The following EFCAB11 variants were observed in gnomAD, a reference collection of about 807,000 sequenced individuals.
EFCAB11 encodes the protein EF-hand calcium binding domain 11, also known as EF-hand calcium-binding domain-containing protein 11.
Under a neutral mutation model 23.0 loss-of-function variants are expected in EFCAB11, and 14 were observed. The ratio of observed to expected loss-of-function variants is 0.61; its 90% CI spans 0.40 to 0.95. The LOEUF is 0.95. EFCAB11 is among the 40% of genes least tolerant of loss of function. The pLI, the probability that EFCAB11 is intolerant of heterozygous loss-of-function variation, is 0.00. For missense variants in EFCAB11, 198 were observed against 195.8 expected (o/e 1.01, Z -0.07); for synonymous variants, 65 against 66.6 (o/e 0.98, Z 0.11).
intron 5 of EFCAB11, among the ~76,000 whole-genome samples, chr14:89,850,661 T>C (rs904848947): frequency 6.6e-6 from 1 of 152,238 alleles, no homozygotes; most frequent in Non-Finnish European, 1.5e-5. Context: ...TAAGTCCAGA[T>C]ATGTATGTAT....
rs68181418 is a variant in EFCAB11 at position 89,885,891 on chromosome 14, TC to T, written c.410+45649del. Among the ~76,000 whole-genome samples the T allele has an allele frequency of 9.9e-3, 1,457 of 147,558 alleles. 14 individuals are homozygous for T. Among genetic ancestry groups the T allele is most frequent in the African/African-American group, 0.029 (1,194 of 40,552 alleles). On this transcript the variant is annotated intron_variant, in intron 5 of 5. Coordinates refer to ENST00000316738, the MANE Select transcript of EFCAB11 (RefSeq NM_145231.4). ...GGCTTCTTGTTTTTTTCTTTTTTTT[TC>T]TTTGGTGGAAATTGAAAAACTGACT...
In EFCAB11 at chr14:89,911,840, G is replaced by A. The variant is rs547227374; in HGVS notation, c.410+19701C>T. On this transcript the variant is annotated intron_variant, in intron 5 of 5. Transcript: ENST00000316738. ...TGGCAATAGAAACCACCACTGCCAC[G>A]GCAGCAGTCCCCACTGACAGAGCAC... is the stretch of plus-strand genomic sequence containing the variant. 9.8e-5 allele frequency among the ~76,000 whole-genome samples: 15 copies of A among 152,300 alleles called. No individual in the cohort carries two copies. The South Asian group carries it at 2.9e-3, about 29-fold the overall frequency.
chr14:89,827,628 C>CTT lies in EFCAB11; in HGVS notation c.411-30306_411-30305dup, dbSNP rs36007256. On this transcript the variant is annotated intron_variant, in intron 5 of 5. Coordinates refer to ENST00000316738, the MANE Select transcript of EFCAB11 (RefSeq NM_145231.4). ...GTTTCATGAAGCAATTTTATTCACT[C>CTT]TTTTTTTTTTTTTTTTTTTTTTGAG... Among the ~76,000 whole-genome samples, 852 of 104,968 alleles carry CTT rather than the reference C, an allele frequency of 8.1e-3. 5 individuals carry two copies. Among genetic ancestry groups the CTT allele is most frequent in the East Asian group, 0.022 (64 of 2,864 alleles). 68.9% of individuals were successfully genotyped at this position (104,968 alleles called of 152,430 possible).
chr14:89,804,323 G>A (rs148271718), intron 5 of EFCAB11, among the ~76,000 whole-genome samples: 2 of 152,176 alleles, frequency 1.3e-5, no homozygotes, highest in Admixed American at 6.5e-5. Flanking sequence ...GGTAATTAAC[G>A]CTTAAAAGCC....
chr14:89,814,231 C>G (rs1886251267), intron 5 of EFCAB11, among the ~76,000 whole-genome samples: 1 of 152,084 alleles, frequency 6.6e-6, no homozygotes, highest in African/African-American at 2.4e-5. Context: ...TCCCCCTTTG[C>G]TTTTCTGTCC....
At chr14:89,894,473 G>A (rs1166692286) in intron 5 of EFCAB11, among the ~76,000 whole-genome samples, 2 of 138,518 alleles carry the variant, frequency 1.4e-5, no homozygotes, top group African/African-American at 2.8e-5. Context: ...CCCTCCCTGT[G>A]TCCATGTGTT....
At chr14:89,851,854 C>T (rs1410735694) in intron 5 of EFCAB11, among the ~76,000 whole-genome samples, 7 of 152,052 alleles carry the variant, frequency 4.6e-5, no homozygotes, top group African/African-American at 9.7e-5. Flanking sequence ...TTGCAGCAGA[C>T]GGAAGAGTCA....
At chr14:89,868,385 A>G (rs1381680890) in intron 5 of EFCAB11, among the ~76,000 whole-genome samples, 1 of 152,260 alleles carries the variant, frequency 6.6e-6, no homozygotes, top group African/African-American at 2.4e-5. Flanking sequence ...GGTCCTCAGA[A>G]AGAGTTTATA....
intron 3 of EFCAB11, among the ~76,000 whole-genome samples, chr14:89,933,378 G>A (rs1256714524): frequency 6.6e-6 from 1 of 151,942 alleles, no homozygotes; most frequent in East Asian, 1.9e-4. Flanking sequence ...TAAAAAGAGT[G>A]GTTCATTTTT....
At chr14:89,822,728 G>A (rs1886566592) in intron 5 of EFCAB11, among the ~76,000 whole-genome samples, 1 of 152,196 alleles carries the variant, frequency 6.6e-6, no homozygotes, top group Non-Finnish European at 1.5e-5. Flanking sequence ...GCTTGTGCAT[G>A]CTGAGGTTCT....
At chr14:89,934,526 C>A (rs886631040) in intron 3 of EFCAB11, among the ~76,000 whole-genome samples, 2 of 152,100 alleles carry the variant, frequency 1.3e-5, no homozygotes, top group African/African-American at 2.4e-5. Context: ...TGGAGACAAC[C>A]AAGAGGAGAA....
intron 5 of EFCAB11, among the ~76,000 whole-genome samples, chr14:89,898,916 C>T (rs973552431): frequency 6.6e-6 from 1 of 152,104 alleles, no homozygotes; most frequent in Non-Finnish European, 1.5e-5. Flanking sequence ...TCAAGCCATC[C>T]TCCCACCTCG....
At chr14:89,823,885 A>G (rs1886604006) in intron 5 of EFCAB11, among the ~76,000 whole-genome samples, 1 of 152,248 alleles carries the variant, frequency 6.6e-6, no homozygotes, top group South Asian at 2.1e-4. Context: ...AATTCTCCAA[A>G]CTAAATCTGA....
At chr14:89,812,484 C>T (rs561891875) in intron 5 of EFCAB11, among the ~76,000 whole-genome samples, 20 of 152,228 alleles carry the variant, frequency 1.3e-4, no homozygotes, top group African/African-American at 4.6e-4. Flanking sequence ...GGAAAATAAA[C>T]AGGCAAGAAG....
intron 5 of EFCAB11, among the ~76,000 whole-genome samples, chr14:89,835,643 T>TGTGTGTGTGTGTGTGTGTGTGTGTGTGTG (rs1491344939): frequency 2.2e-5 from 3 of 138,818 alleles, no homozygotes; most frequent in Admixed American, 7.3e-5. Context: ...TGTGTGTGTG[T>TGTGTGTGTGTGTGTGTGTGTGTGTGTGTG]TTGAGACGTT....
intron 1 of EFCAB11, chr14:89,954,302 T>G: frequency 6.6e-7 from 1 of 1,515,046 alleles, no homozygotes; most frequent in Non-Finnish European, 8.9e-7. Flanking sequence ...GTTAGGAAGG[T>G]GAGGCAAAGG....
intron 5 of EFCAB11, among the ~76,000 whole-genome samples, chr14:89,816,017 A>G (rs1886324961): frequency 6.6e-6 from 1 of 152,142 alleles, no homozygotes; most frequent in Admixed American, 6.5e-5. Context: ...CCAATCCATG[A>G]GCATGGGGTA....
At chr14:89,930,790 G>A (rs1025867116) in intron 5 of EFCAB11, among the ~76,000 whole-genome samples, 1 of 152,096 alleles carries the variant, frequency 6.6e-6, no homozygotes, top group Non-Finnish European at 1.5e-5. Context: ...TTGAGTTTCC[G>A]TTCTTTTGGG....
chr14:89,862,171 T>C (rs137888255), intron 5 of EFCAB11, among the ~76,000 whole-genome samples: 1 of 152,210 alleles, frequency 6.6e-6, no homozygotes, highest in African/African-American at 2.4e-5. Context: ...CTAAATTGAA[T>C]TGAATTATAT....
Sources: gnomAD v4.1 joint callset for allele counts (sites outside exome capture counted in the v4.1 genomes callset) on GRCh38, gnomAD v4.1.1 for gene constraint, MANE v1.5 for transcripts, NCBI Gene and HGNC (gene_info 2026-07-23, HGNC 2026-07-21) for gene names.